Variants in CHD6 observed in about 807,000 individuals in gnomAD.
The protein encoded by CHD6 is ATP-dependent chromatin remodeler CHD6.
A neutral mutation model predicts 276.9 loss-of-function variants in CHD6; 50 were observed. The ratio of observed to expected loss-of-function variants is 0.18; its 90% confidence interval spans 0.14 to 0.23. CHD6 has a LOEUF of 0.23. Among genes scored for constraint, CHD6 ranks in the 10% least tolerant of loss-of-function variants. The pLI, the probability that CHD6 is intolerant of heterozygous loss-of-function variation, is 1.00. For missense variants in CHD6, 2,564 were observed against 3,365.8 expected (o/e 0.76, Z 5.89); for synonymous variants, 1,173 against 1,229.3 (o/e 0.95, Z 0.96).
intron 7 of CHD6, chr20:41,497,954 C>A: frequency 3.8e-6 from 2 of 533,012 alleles, no homozygotes; most frequent in East Asian, 6.7e-5. Context: ...TTGGGTGGAG[C>A]AAAGGCTTTA....
chr20:41,420,947 G>A lies in CHD6; in HGVS notation c.5688C>T (p.Pro1896=). 3 of 1,614,168 alleles carry A rather than the reference G, an allele frequency of 1.9e-6. No homozygotes were observed. The highest frequency in any genetic ancestry group is 2.5e-6 in the Non-Finnish European group (3 of 1,180,030). The part of the protein sequence containing the change: ...ERPEVLHLTE[P]TTNISREKNQ... ...TCTTTTCCCTTGAGATGTTAGTAGTGGGCTCCGTGAGATGCAATACCTCTG... is the reference window on the plus strand; with the variant it reads ...TCTTTTCCCTTGAGATGTTAGTAGTAGGCTCCGTGAGATGCAATACCTCTG... The change falls in exon 31 of 37, where the codon CCC becomes CCT. Residue 1896 remains proline (P), a synonymous_variant. Transcript: ENST00000373233.
intron 2 of CHD6, among the ~76,000 whole-genome samples, chr20:41,540,578 A>G (rs2044921571): frequency 6.6e-6 from 1 of 152,230 alleles, no homozygotes; most frequent in Admixed American, 6.5e-5. Context: ...GAGAGATTAC[A>G]TTTGACTGAG....
intron 1 of CHD6, among the ~76,000 whole-genome samples, chr20:41,580,026 A>C (rs1245774641): frequency 2.0e-5 from 3 of 152,204 alleles, no homozygotes; most frequent in African/African-American, 7.2e-5. Flanking sequence ...ACTTGGTATC[A>C]GTGTAGTTAA....
chr20:41,532,893 G>C (rs2044723459), intron 3 of CHD6, among the ~76,000 whole-genome samples, 157 bp downstream of exon 3: 1 of 152,226 alleles, frequency 6.6e-6, no homozygotes, highest in Non-Finnish European at 1.5e-5. Flanking sequence ...TTAGCACCAA[G>C]GGGTTACCCC....
At chr20:41,569,940 G>A (rs888662819) in intron 1 of CHD6, among the ~76,000 whole-genome samples, 1 of 152,110 alleles carries the variant, frequency 6.6e-6, no homozygotes, top group Non-Finnish European at 1.5e-5. Context: ...GACACTGAGG[G>A]ACTACTGTAT....
Position 41,451,759 on chromosome 20 carries a change from C to T in CHD6, c.3523+67G>A, listed in dbSNP as rs1049647604. Reference sequence around the variant, plus strand: ...CCCCCAAAGCACAGCAATACGGCCCCGCAGAGGAAGAGGGGATGAAGTGCA... The same window carrying T: ...CCCCCAAAGCACAGCAATACGGCCCTGCAGAGGAAGAGGGGATGAAGTGCA... On this transcript the variant is annotated intron_variant, in intron 22 of 36. Coordinates refer to ENST00000373233, the MANE Select transcript of CHD6 (RefSeq NM_032221.5). The T allele has an allele frequency of 7.7e-5, 108 of 1,409,138 alleles. 1 individual carries two copies. The highest frequency in any genetic ancestry group is 4.7e-5 in the Non-Finnish European group (47 of 994,316). The allele number at this position is 1,409,138 out of a possible 1,614,324, so 87.3% of individuals were successfully genotyped here.
chr20:41,590,924 A>C (rs368606283), intron 1 of CHD6, among the ~76,000 whole-genome samples: 6 of 151,506 alleles, frequency 4.0e-5, no homozygotes, highest in African/African-American at 1.5e-4. Flanking sequence ...TGTTTACTGC[A>C]GCACTATTCA....
In CHD6 at chr20:41,517,261, C is replaced by A. The variant is rs369625073; in HGVS notation, c.555-2309G>T. On this transcript the variant is annotated intron_variant, in intron 3 of 36. Coordinates refer to ENST00000373233, the MANE Select transcript of CHD6 (RefSeq NM_032221.5). ...TATGGACACATAGAGGGGAATGACACACACTAGGGCCTTTTGGAGGGTGGA... is the reference window on the plus strand; with the variant it reads ...TATGGACACATAGAGGGGAATGACAAACACTAGGGCCTTTTGGAGGGTGGA... Among the ~76,000 whole-genome samples, 67 of 152,230 alleles carry A rather than the reference C, an allele frequency of 4.4e-4. 1 individual carries two copies. Among genetic ancestry groups the A allele is most frequent in the African/African-American group, 1.5e-3 (63 of 41,526 alleles).
At chr20:41,513,249 T>C (rs1568661640) in intron 4 of CHD6, among the ~76,000 whole-genome samples, 1 of 152,192 alleles carries the variant, frequency 6.6e-6, no homozygotes, top group Non-Finnish European at 1.5e-5. Context: ...TAGTGTCTCA[T>C]AGTCCAGTAA....
At chr20:41,488,850 T>C (rs2043481633) in intron 12 of CHD6, among the ~76,000 whole-genome samples, 1 of 152,128 alleles carries the variant, frequency 6.6e-6, no homozygotes, top group Admixed American at 6.5e-5. Context: ...GGATGGGCAA[T>C]ATGGAAGGCA....
intron 25 of CHD6, among the ~76,000 whole-genome samples, chr20:41,445,138 A>G (rs1035025218): frequency 7.9e-5 from 12 of 152,352 alleles, no homozygotes; most frequent in South Asian, 4.1e-4. Context: ...AAAACCTCTC[A>G]GTCCCCTTTA....
In CHD6 at chr20:41,422,062, T is replaced by C. The variant is rs1157131648; in HGVS notation, c.4573A>G (p.Ile1525Val). 2 of 1,608,596 alleles carry C rather than the reference T, an allele frequency of 1.2e-6. No individual in the cohort carries two copies. Among genetic ancestry groups the C allele is most frequent in the Non-Finnish European group, 8.5e-7 (1 of 1,175,984 alleles). ...TCCTCAGTGATGGGTTCAACGTAGA[T>C]GGTGGTATCTGGGGGACCTGGAGAG... is the stretch of plus-strand genomic sequence containing the variant. ...WKDGGPPDTT[I>V]YVEPITEERA... The change falls in exon 31 of 37, where the codon ATC becomes GTC. Residue 1525 changes from isoleucine to valine, a missense_variant. This residue lies in a region of CHD6 where 515 missense variants were observed against 739.5 expected (regional missense o/e 0.70). Transcript: ENST00000373233.
intron 2 of CHD6, among the ~76,000 whole-genome samples, chr20:41,539,788 C>G (rs2044905775): frequency 6.6e-6 from 1 of 152,102 alleles, no homozygotes; most frequent in Admixed American, 6.5e-5. Context: ...GAGAAAAAAG[C>G]TATAATAACC....
At chr20:41,550,823 C>G (rs1249502303) in intron 2 of CHD6, among the ~76,000 whole-genome samples, 1 of 152,172 alleles carries the variant, frequency 6.6e-6, no homozygotes, top group Admixed American at 6.5e-5. Context: ...ACACGCCCTT[C>G]AAAATACCAA....
intron 1 of CHD6, among the ~76,000 whole-genome samples, chr20:41,562,870 CTGT>C (rs1294905317): frequency 4.6e-5 from 7 of 152,162 alleles, no homozygotes; most frequent in Non-Finnish European, 1.0e-4. Context: ...TTACACACAG[CTGT>C]AAAGCTTGGA....
chr20:41,589,060 A>C (rs1209185875), intron 1 of CHD6, among the ~76,000 whole-genome samples: 1 of 152,336 alleles, frequency 6.6e-6, no homozygotes, highest in East Asian at 1.9e-4. Context: ...AGGCTGGTTC[A>C]ACATACGCAA....
At chr20:41,549,534 C>T (rs896186490) in intron 2 of CHD6, among the ~76,000 whole-genome samples, 3 of 141,884 alleles carry the variant, frequency 2.1e-5, no homozygotes, top group Non-Finnish European at 4.5e-5. Flanking sequence ...AGGAGATATA[C>T]CTAATGCTAA....
intron 2 of CHD6, among the ~76,000 whole-genome samples, chr20:41,542,948 C>CA (rs2044972984): frequency 6.6e-6 from 1 of 151,716 alleles, no homozygotes; most frequent in Non-Finnish European, 1.5e-5. Flanking sequence ...ACTAAAAATT[C>CA]AAAAAACTAG....
chr20:41,510,141 G>T (rs1319410093), intron 5 of CHD6, among the ~76,000 whole-genome samples: 2 of 152,174 alleles, frequency 1.3e-5, no homozygotes, highest in Non-Finnish European at 2.9e-5. Context: ...AGGGCCCCGG[G>T]AGAAGGATAT....
Sources: allele counts gnomAD v4.1 joint callset (sites outside exome capture counted in the v4.1 genomes callset), GRCh38; gene constraint gnomAD v4.1.1; regional missense constraint gnomAD v4.1.1; transcripts MANE v1.5; gene names NCBI Gene and HGNC (gene_info 2026-07-23, HGNC 2026-07-21).